The following PMS1 variants were observed in gnomAD, a reference collection of about 807,000 sequenced individuals.
PMS1 encodes the protein PMS1 protein homolog 1.
In PMS1, 79 loss-of-function variants were observed where a neutral mutation model predicts 93.1. The observed-to-expected ratio is 0.85, with a 90% CI of 0.71 to 1.02. The LOEUF (loss-of-function observed/expected upper bound fraction) is 1.02. PMS1 is among the 50% of genes least tolerant of loss of function. The pLI is 0.00. For missense variants in PMS1, 1,064 were observed against 1,085.3 expected, an observed-to-expected ratio of 0.98 and a Z score of 0.28; for synonymous variants, 335 against 363.4, an observed-to-expected ratio of 0.92 and a Z score of 0.89.
intron 4 of PMS1, among the ~76,000 whole-genome samples, chr2:189,808,484 C>T (rs1224618334): frequency 6.6e-6 from 1 of 151,980 alleles, no homozygotes; most frequent in East Asian, 1.9e-4. Flanking sequence ...TGTGTCACCA[C>T]ACCTGGCGAA....
At chr2:189,864,367 T>A (rs777914212) in intron 10 of PMS1, 139 bp downstream of exon 10, 12 of 746,428 alleles carry the variant, frequency 1.6e-5, no homozygotes, top group Non-Finnish European at 2.7e-5. Context: ...TTTAAACATT[T>A]GATTTCTAGG....
chr2:189,818,890 A>T (rs964751802), intron 5 of PMS1, among the ~76,000 whole-genome samples: 5 of 152,140 alleles, frequency 3.3e-5, no homozygotes, highest in Admixed American at 2.6e-4. Context: ...CACCCTCTAC[A>T]CTGTTGATTC....
chr2:189,801,122 C>T (rs921459595), intron 3 of PMS1, among the ~76,000 whole-genome samples: 8 of 152,180 alleles, frequency 5.3e-5, no homozygotes, highest in Non-Finnish European at 2.9e-5. Flanking sequence ...TTCAGCCACC[C>T]GAATTGCTGG....
chr2:189,874,536 A>G (rs1452569618), intron 12 of PMS1, among the ~76,000 whole-genome samples: 1 of 152,228 alleles, frequency 6.6e-6, no homozygotes, highest in Non-Finnish European at 1.5e-5. Flanking sequence ...TAGTGTTTCC[A>G]TCTATATATC....
intron 1 of PMS1, among the ~76,000 whole-genome samples, chr2:189,787,860 A>G (rs749480180): frequency 1.3e-4 from 20 of 152,180 alleles, no homozygotes; most frequent in Non-Finnish European, 2.1e-4. Context: ...TAGAGACACA[A>G]ATATTCAGAC....
chr2:189,845,397 A>T (rs1559291458), intron 6 of PMS1, among the ~76,000 whole-genome samples: 1 of 151,990 alleles, frequency 6.6e-6, no homozygotes, highest in Non-Finnish European at 1.5e-5. Flanking sequence ...AGTTGCTCAA[A>T]ATTTATCATG....
intron 5 of PMS1, among the ~76,000 whole-genome samples, chr2:189,843,418 C>G (rs576612947): frequency 8.5e-5 from 13 of 152,308 alleles, no homozygotes; most frequent in African/African-American, 3.1e-4. Context: ...TGTGAATTCT[C>G]TATTTCAAAG....
chr2:189,823,517 A>C (rs1462472722), intron 5 of PMS1, among the ~76,000 whole-genome samples: 5 of 151,936 alleles, frequency 3.3e-5, no homozygotes. Flanking sequence ...TTTTTAACCA[A>C]GGGAATATAT....
At chr2:189,824,024 T>C (rs1178127358) in intron 5 of PMS1, among the ~76,000 whole-genome samples, 2 of 152,206 alleles carry the variant, frequency 1.3e-5, no homozygotes, top group Non-Finnish European at 2.9e-5. Context: ...ACTAAAAGTT[T>C]ATATAGGTCT....
intron 4 of PMS1, among the ~76,000 whole-genome samples, chr2:189,808,338 C>A (rs1181176228): frequency 6.6e-6 from 1 of 151,770 alleles, no homozygotes; most frequent in African/African-American, 2.4e-5. Flanking sequence ...TATTATTATT[C>A]TTATTTTGAG....
chr2:189,844,691 A>G (rs1438912846), intron 6 of PMS1, among the ~76,000 whole-genome samples: 1 of 151,212 alleles, frequency 6.6e-6, no homozygotes, highest in Non-Finnish European at 1.5e-5. Context: ...TCCCATTCCA[A>G]ATATGTACTT....
chr2:189,855,477 A>G (rs2055217063), intron 9 of PMS1, among the ~76,000 whole-genome samples: 1 of 151,494 alleles, frequency 6.6e-6, no homozygotes. Context: ...TTTCTGTTGT[A>G]GAACTTTTTA....
intron 9 of PMS1, chr2:189,855,926 T>G: frequency 1.2e-6 from 1 of 806,264 alleles, no homozygotes; most frequent in Non-Finnish European, 1.6e-6. Flanking sequence ...GGTATCTGAG[T>G]ATCTCAATAT....
At chr2:189,869,720 G>C (rs2056973304) in intron 11 of PMS1, among the ~76,000 whole-genome samples, 1 of 151,852 alleles carries the variant, frequency 6.6e-6, no homozygotes, top group African/African-American at 2.4e-5. Flanking sequence ...GGGAGGCTGA[G>C]GCAGGAGAAT....
Position 189,852,766 on chromosome 2 carries a change from G to A in PMS1, c.811G>A (p.Asp271Asn), listed in dbSNP as rs2106450305. The change falls in exon 7 of 13, where the codon GAT becomes AAT. Residue 271 changes from aspartate (D) to asparagine (N), a missense_variant. Physicochemically the swap from Asp to Asn is conservative, Grantham distance 23. Coordinates refer to ENST00000441310, the MANE Select transcript of PMS1 (RefSeq NM_000534.5). ...AAACAGTCGACCAGTACATCAAAAA[G>A]ATATCTTAAAGGTAGTATGCTTTAG... is the stretch of plus-strand genomic sequence containing the variant. The part of the protein sequence containing the change: ...FINSRPVHQK[D>N]ILKLIRHHYN... 1 of 1,584,932 alleles carries A rather than the reference G, an allele frequency of 6.3e-7. No individual in the cohort carries two copies. Among genetic ancestry groups the A allele is most frequent in the Non-Finnish European group, 8.7e-7 (1 of 1,154,492 alleles).
In PMS1 at chr2:189,864,049, G is replaced by C; in HGVS notation, c.2163G>C (p.Lys721Asn). 1 of 1,612,804 alleles carries C rather than the reference G, an allele frequency of 6.2e-7. No homozygotes were observed. Among genetic ancestry groups the C allele is most frequent in the Non-Finnish European group, 8.5e-7 (1 of 1,178,944 alleles). ...AAAACAAAGTTGACTTAGAAGAGAA[G>C]GATGAACCTTGCTTGATCCACAATC... ...KKQNKVDLEE[K>N]DEPCLIHNLR... is the part of the protein sequence containing the mutation. The change falls in exon 10 of 13, where the codon AAG becomes AAC. Residue 721 changes from lysine to asparagine, a missense_variant. Physicochemically the swap from Lys to Asn is moderately conservative, Grantham distance 94. Coordinates refer to ENST00000441310, the MANE Select transcript of PMS1 (RefSeq NM_000534.5).
intron 5 of PMS1, among the ~76,000 whole-genome samples, chr2:189,827,424 A>G (rs545656936): frequency 8.5e-5 from 13 of 152,282 alleles, no homozygotes; most frequent in African/African-American, 2.9e-4. Context: ...TTACATATGT[A>G]TATCTTGAGC....
intron 5 of PMS1, among the ~76,000 whole-genome samples, chr2:189,818,429 A>C (rs1482577770): frequency 1.3e-5 from 2 of 152,172 alleles, no homozygotes; most frequent in African/African-American, 4.8e-5. Context: ...GGAGGCCACT[A>C]CATAGTCAGA....
chr2:189,814,642 A>G (rs765679665), intron 4 of PMS1, among the ~76,000 whole-genome samples: 1 of 152,206 alleles, frequency 6.6e-6, no homozygotes, highest in Admixed American at 6.5e-5. Flanking sequence ...TAGGGATATA[A>G]TGGCAAACAT....
Sources: allele counts gnomAD v4.1 joint callset (sites outside exome capture counted in the v4.1 genomes callset), GRCh38; gene constraint gnomAD v4.1.1; transcripts MANE v1.5; gene names NCBI Gene and HGNC (gene_info 2026-07-23, HGNC 2026-07-21).